RAD54L2: variants seen among roughly 807,000 people sequenced by gnomAD.
The protein encoded by RAD54L2 is helicase ARIP4.
RAD54L2 carries 27 observed loss-of-function variants against 138.4 expected under a neutral mutation model. That is an observed-to-expected ratio of 0.20 (90% CI 0.14 to 0.27). The LOEUF (loss-of-function observed/expected upper bound fraction) is 0.27, where lower values mean the gene tolerates loss of function less well. Among genes scored for constraint, RAD54L2 ranks in the 10% least tolerant of loss-of-function variants. The pLI, the probability that RAD54L2 is intolerant of heterozygous loss-of-function variation, is 1.00. For synonymous variants in RAD54L2, 644 were observed against 723.2 expected (o/e 0.89, Z 1.76); for missense variants, 1,396 against 1,890.2 (o/e 0.74, Z 4.85).
intron 19 of RAD54L2, among the ~76,000 whole-genome samples, chr3:51,655,208 T>G (rs535247159): frequency 0.023 from 2,676 of 114,624 alleles, 68 homozygotes; most frequent in African/African-American, 0.068. Context: ...GTCTTAAGGG[T>G]TTTTTTTTTT....
At position 51,633,639 on chromosome 3, in the gene RAD54L2, C is replaced by T; in HGVS notation, c.888C>T (p.Ser296=). The change falls in exon 8 of 23, where the codon AGC becomes AGT. Residue 296 remains serine (S), a synonymous_variant. Coordinates refer to ENST00000684192, the MANE Select transcript of RAD54L2 (RefSeq NM_015106.4). ...AGTCTCTGGAGAGGTTTAAGACCAGCAGTGGCTTTGGCTGTATTCTGGCCC... is the reference window on the plus strand; with the variant it reads ...AGTCTCTGGAGAGGTTTAAGACCAGTAGTGGCTTTGGCTGTATTCTGGCCC... ...LVESLERFKT[S]SGFGCILAHS... 1 of 1,613,942 alleles carries T rather than the reference C, an allele frequency of 6.2e-7. No homozygotes were observed. The highest frequency in any genetic ancestry group is 8.5e-7 in the Non-Finnish European group (1 of 1,179,848).
At chr3:51,617,622 C>G (rs1700473601) in intron 3 of RAD54L2, among the ~76,000 whole-genome samples, 1 of 152,090 alleles carries the variant, frequency 6.6e-6, no homozygotes, top group South Asian at 2.1e-4. Flanking sequence ...ATGTCTGTAA[C>G]CCCAGAGATT....
chr3:51,563,267 G>C (rs1287460196), intron 2 of RAD54L2, among the ~76,000 whole-genome samples: 1 of 152,148 alleles, frequency 6.6e-6, no homozygotes, highest in Non-Finnish European at 1.5e-5. Context: ...TGACCTGAAG[G>C]ATGTAAACGT....
chr3:51,571,337 C>G (rs566607043), intron 2 of RAD54L2, among the ~76,000 whole-genome samples: 1 of 151,056 alleles, frequency 6.6e-6, no homozygotes, highest in African/African-American at 2.4e-5. Flanking sequence ...GTCTTTGTAC[C>G]TCCCATTTTG....
At chr3:51,569,823 A>G (rs953378870) in intron 2 of RAD54L2, among the ~76,000 whole-genome samples, 24 of 151,914 alleles carry the variant, frequency 1.6e-4, no homozygotes, top group Non-Finnish European at 2.8e-4. Flanking sequence ...CTAACATTTT[A>G]TTTATTATTA....
At chr3:51,561,085 A>G (rs1418354823) in intron 2 of RAD54L2, among the ~76,000 whole-genome samples, 2 of 152,172 alleles carry the variant, frequency 1.3e-5, no homozygotes, top group Non-Finnish European at 2.9e-5. Context: ...CTATCTCCTT[A>G]GCAGGTCTCC....
rs1553671562 is a variant in RAD54L2 at position 51,542,923 on chromosome 3, A to G, written c.-55+1273A>G. 2.0e-5 allele frequency among the ~76,000 whole-genome samples: 3 copies of G among 152,174 alleles called. No homozygotes were observed. The South Asian group carries it at 6.2e-4, about 31-fold the overall frequency. ...GGAAACAGCGGGCTCTCCCATTGAT[A>G]GAACACTAAAGTATACCAGGCAGCA... On this transcript the variant is annotated intron_variant, in intron 2 of 22. Transcript: ENST00000684192.
intron 19 of RAD54L2, among the ~76,000 whole-genome samples, chr3:51,647,128 A>G (rs1164082159): frequency 6.6e-6 from 1 of 152,036 alleles, no homozygotes; most frequent in Non-Finnish European, 1.5e-5. Flanking sequence ...TACCTGATTC[A>G]GTAGTTTGCA....
chr3:51,567,258 GACAGTT>G (rs1418973254), intron 2 of RAD54L2, among the ~76,000 whole-genome samples: 1 of 152,106 alleles, frequency 6.6e-6, no homozygotes, highest in East Asian at 1.9e-4. Context: ...ATTTAAAAAG[GACAGTT>G]ATTATAATTT....
At chr3:51,571,817 A>G (rs1699344430) in intron 2 of RAD54L2, among the ~76,000 whole-genome samples, 2 of 152,120 alleles carry the variant, frequency 1.3e-5, no homozygotes, top group South Asian at 4.1e-4. Context: ...ACTTATAGAA[A>G]TAGGGGTTTT....
intron 2 of RAD54L2, among the ~76,000 whole-genome samples, chr3:51,576,845 T>C (rs951092441): frequency 6.6e-6 from 1 of 152,144 alleles, no homozygotes; most frequent in African/African-American, 2.4e-5. Context: ...GTGTCTCTAT[T>C]TCCTTCAGTT....
intron 3 of RAD54L2, among the ~76,000 whole-genome samples, chr3:51,597,164 T>TC (rs1559630369): frequency 5.8e-5 from 4 of 68,552 alleles, no homozygotes; most frequent in Non-Finnish European, 1.0e-4. Flanking sequence ...AGACTTCATT[T>TC]CAAAAAAAAA....
intron 2 of RAD54L2, among the ~76,000 whole-genome samples, chr3:51,570,393 C>T (rs113609720): frequency 2.0e-5 from 3 of 150,824 alleles, no homozygotes; most frequent in African/African-American, 7.3e-5. Context: ...CCACCTGCCT[C>T]GGCCTCCCAA....
At chr3:51,558,630 C>T (rs781512849) in intron 2 of RAD54L2, among the ~76,000 whole-genome samples, 9 of 152,108 alleles carry the variant, frequency 5.9e-5, no homozygotes, top group Non-Finnish European at 1.3e-4. Flanking sequence ...ACCACTATGC[C>T]TGGCTAATTC....
At chr3:51,615,258 A>G (rs1301284395) in intron 3 of RAD54L2, among the ~76,000 whole-genome samples, 1 of 151,770 alleles carries the variant, frequency 6.6e-6, no homozygotes, top group Non-Finnish European at 1.5e-5. Flanking sequence ...CAGGTGATCC[A>G]CCCGCCTTGG....
At chr3:51,635,925 A>C (rs1197397556) in intron 10 of RAD54L2, 136 bp downstream of exon 10, 2 of 928,322 alleles carry the variant, frequency 2.2e-6, no homozygotes, top group Admixed American at 6.1e-5. Flanking sequence ...CCTGGTTCCC[A>C]AGATCAGTAG....
intron 1 of RAD54L2, among the ~76,000 whole-genome samples, 55 bp downstream of exon 1, chr3:51,538,970 C>T (rs1313686620): frequency 6.6e-6 from 1 of 152,170 alleles, no homozygotes; most frequent in African/African-American, 2.4e-5. Context: ...GGTCCCGCAA[C>T]AATGGGGACC....
chr3:51,653,106 A>T (rs1331582526), intron 19 of RAD54L2, among the ~76,000 whole-genome samples: 1 of 152,238 alleles, frequency 6.6e-6, no homozygotes, highest in Non-Finnish European at 1.5e-5. Flanking sequence ...AACCCCATCA[A>T]AAAGTGGTTA....
intron 3 of RAD54L2, among the ~76,000 whole-genome samples, chr3:51,602,692 T>C (rs1347458025): frequency 1.3e-5 from 2 of 152,170 alleles, no homozygotes; most frequent in Non-Finnish European, 2.9e-5. Context: ...AGTCATTCAA[T>C]AATAATTATT....
Sources: allele counts gnomAD v4.1 joint callset (sites outside exome capture counted in the v4.1 genomes callset), GRCh38; gene constraint gnomAD v4.1.1; transcripts MANE v1.5; gene names NCBI Gene and HGNC (gene_info 2026-07-23, HGNC 2026-07-21).